IPO11: variants seen among roughly 807,000 people sequenced by gnomAD.
IPO11 encodes importin-11.
Under a neutral mutation model 143.2 loss-of-function variants are expected in IPO11, and 66 were observed. The observed-to-expected ratio is 0.46, with a 90% CI of 0.38 to 0.57. The LOEUF is 0.57. Ranked by LOEUF, IPO11 falls within the 20% of genes least tolerant of loss-of-function variation. The probability of loss-of-function intolerance (pLI) is 0.00; values close to 1 mark genes in which losing one functional copy is unlikely to be tolerated. For missense variants in IPO11, 1,026 were observed against 1,141.0 expected, an observed-to-expected ratio of 0.90 and a Z score of 1.45; for synonymous variants, 385 against 377.8, an observed-to-expected ratio of 1.02 and a Z score of -0.22.
At chr5:62,485,171 A>G (rs975162855) in intron 11 of IPO11, among the ~76,000 whole-genome samples, 18 of 152,150 alleles carry the variant, frequency 1.2e-4, no homozygotes, top group Admixed American at 7.9e-4. Flanking sequence ...GCTTTTTTCC[A>G]TAAAGAATTT....
intron 27 of IPO11, among the ~76,000 whole-genome samples, chr5:62,567,538 G>T: frequency 1.6e-5 from 2 of 126,112 alleles, no homozygotes; most frequent in African/African-American, 6.0e-5. Flanking sequence ...CCTCTTGAAG[G>T]TCAATGACTC....
intron 11 of IPO11, among the ~76,000 whole-genome samples, chr5:62,484,644 T>C (rs1369053936): frequency 2.0e-5 from 3 of 151,642 alleles, no homozygotes; most frequent in Non-Finnish European, 4.4e-5. Flanking sequence ...ACCCTTGCTA[T>C]AGAAAATCAA....
At position 62,437,267 on chromosome 5, in the gene IPO11, T is replaced by G; in HGVS notation, c.-6-7T>G. 1 of 1,581,704 alleles carries G rather than the reference T, an allele frequency of 6.3e-7. No individual in the cohort carries two copies. The highest frequency in any genetic ancestry group is 8.6e-7 in the Non-Finnish European group (1 of 1,166,152). On this transcript the variant is annotated splice_region_variant and splice_polypyrimidine_tract_variant and intron_variant, in intron 1 of 29. Coordinates refer to ENST00000325324, the MANE Select transcript of IPO11 (RefSeq NM_016338.5). The stretch of plus-strand genomic sequence containing the variant: ...CATATTCAAGTATGTTAACTTATCA[T>G]TGCCAGGTTTCCATGGATCTCAATA...
chr5:62,501,039 G>A (rs1344306986), intron 16 of IPO11, among the ~76,000 whole-genome samples: 1 of 152,218 alleles, frequency 6.6e-6, no homozygotes, highest in African/African-American at 2.4e-5. Flanking sequence ...TTACTAGGTG[G>A]AGTTTAATGA....
At chr5:62,481,210 G>A (rs1181970322) in intron 9 of IPO11, among the ~76,000 whole-genome samples, 4 of 152,058 alleles carry the variant, frequency 2.6e-5, no homozygotes, top group Admixed American at 6.5e-5. Context: ...GAGCCACCGC[G>A]CCTGGCCGAC....
intron 21 of IPO11, among the ~76,000 whole-genome samples, chr5:62,528,922 G>A (rs1742453636): frequency 6.6e-6 from 1 of 152,104 alleles, no homozygotes; most frequent in Non-Finnish European, 1.5e-5. Context: ...CTCCTACTAT[G>A]GCTTTTTATT....
At chr5:62,616,719 CAAAAAAAAAAAAAAAAA>C (rs538760503) in intron 29 of IPO11, among the ~76,000 whole-genome samples, 1 of 84,428 alleles carries the variant, frequency 1.2e-5, no homozygotes, top group Non-Finnish European at 2.2e-5. Flanking sequence ...GACTCTGACT[CAAAAAAAAAAAAAAAAA>C]AAAAAAAAAT....
At chr5:62,608,949 T>C (rs1467231381) in intron 29 of IPO11, among the ~76,000 whole-genome samples, 2 of 152,370 alleles carry the variant, frequency 1.3e-5, no homozygotes, top group East Asian at 3.9e-4. Flanking sequence ...GTGTTTTTAC[T>C]GTCTCCATCG....
At chr5:62,606,158 A>C (rs891215853) in intron 29 of IPO11, among the ~76,000 whole-genome samples, 2 of 152,076 alleles carry the variant, frequency 1.3e-5, no homozygotes, top group Admixed American at 1.3e-4. Flanking sequence ...CTAATGAGCA[A>C]ATCTGTTACC....
chr5:62,496,988 C>T (rs1741179721), intron 16 of IPO11, among the ~76,000 whole-genome samples: 1 of 152,170 alleles, frequency 6.6e-6, no homozygotes, highest in Non-Finnish European at 1.5e-5. Context: ...TTGTTTCCTC[C>T]AGTTGCTGCA....
chr5:62,521,992 G>A (rs148275257), intron 20 of IPO11, among the ~76,000 whole-genome samples: 1 of 151,936 alleles, frequency 6.6e-6, no homozygotes, highest in African/African-American at 2.4e-5. Flanking sequence ...CCTGGTCTCT[G>A]TTTCTTTTAG....
chr5:62,437,221 A>G, intron 1 of IPO11, 53 bp from the exon 2 acceptor site: 1 of 1,403,094 alleles, frequency 7.1e-7, no homozygotes, highest in East Asian at 2.5e-5. Flanking sequence ...TTTTACTGTT[A>G]ATTTTTTATT....
chr5:62,462,577 C>G, intron 5 of IPO11, among the ~76,000 whole-genome samples: 1 of 151,974 alleles, frequency 6.6e-6, no homozygotes, highest in East Asian at 1.9e-4. Context: ...GTCTCCCAAG[C>G]TAGAGTTCAA....
At chr5:62,614,215 A>T (rs1252836709) in intron 29 of IPO11, among the ~76,000 whole-genome samples, 1 of 152,248 alleles carries the variant, frequency 6.6e-6, no homozygotes, top group Non-Finnish European at 1.5e-5. Context: ...ACTTAACAAG[A>T]GTTGATTTCA....
intron 15 of IPO11, among the ~76,000 whole-genome samples, chr5:62,490,707 G>GTAATATGAA (rs1176734263): frequency 2.6e-5 from 4 of 152,236 alleles, no homozygotes; most frequent in Non-Finnish European, 4.4e-5. Context: ...ATTACATTTA[G>GTAATATGAA]TAATATGAAT....
rs568301647 is a variant in IPO11, at chr5:62,427,733, C to G, written c.-6-9541C>G. 7.2e-5 allele frequency among the ~76,000 whole-genome samples: 11 copies of G among 152,316 alleles called. No individual in the cohort carries two copies. The South Asian group carries it at 2.3e-3, about 32-fold the overall frequency. On this transcript the variant is annotated intron_variant, in intron 1 of 29. Transcript: ENST00000325324. The stretch of plus-strand genomic sequence containing the variant: ...ACAGTTTCATCCAGAAACCATCCCC[C>G]CCTGCCCTTTACCCCTCTTCCACTG...
intron 24 of IPO11, among the ~76,000 whole-genome samples, chr5:62,545,544 G>T (rs1743138710): frequency 6.6e-6 from 1 of 152,144 alleles, no homozygotes; most frequent in Non-Finnish European, 1.5e-5. Flanking sequence ...CATGGGCAGG[G>T]ACTTCATGTC....
In IPO11 at chr5:62,444,168, C is replaced by T. The variant is rs191218852; in HGVS notation, c.239+1085C>T. On this transcript the variant is annotated intron_variant, in intron 3 of 29. Transcript: ENST00000325324. ...TGGAGTGCAATGGCATGATCTCGGC[C>T]TACTGCAAGCTCTGCCTCACGGGTT... is the stretch of plus-strand genomic sequence containing the variant. 3.8e-4 allele frequency among the ~76,000 whole-genome samples: 57 copies of T among 151,530 alleles called. 1 individual carries two copies. The East Asian group carries it at 9.5e-3, about 25-fold the overall frequency.
At chr5:62,476,576 G>A (rs1745963891) in intron 8 of IPO11, 107 bp from the exon 9 acceptor site, 1 of 1,202,058 alleles carries the variant, frequency 8.3e-7, no homozygotes, top group Non-Finnish European at 1.1e-6. Flanking sequence ...AATTCATAAT[G>A]CAAAATATGC....
Sources: gnomAD v4.1 joint callset for allele counts (sites outside exome capture counted in the v4.1 genomes callset) on GRCh38, gnomAD v4.1.1 for gene constraint, MANE v1.5 for transcripts, NCBI Gene and HGNC (gene_info 2026-07-23, HGNC 2026-07-21) for gene names.